The following LYPLAL1 variants were observed in gnomAD, a reference collection of about 807,000 sequenced individuals.
The protein encoded by LYPLAL1 is lysophospholipase like 1.
In LYPLAL1, 23 loss-of-function variants were observed where a neutral mutation model predicts 19.7. The ratio of observed to expected loss-of-function variants is 1.17; its 90% CI spans 0.84 to 1.65. The LOEUF (loss-of-function observed/expected upper bound fraction) is 1.65, where lower values mean the gene tolerates loss of function less well. Ranked by LOEUF, LYPLAL1 falls within the 40% of genes most tolerant of loss-of-function variation. The pLI, the probability that LYPLAL1 is intolerant of heterozygous loss-of-function variation, is 0.00. For synonymous variants in LYPLAL1, 119 were observed against 96.3 expected, an observed-to-expected ratio of 1.24 and a Z score of -1.38; for missense variants, 355 against 279.4, an observed-to-expected ratio of 1.27 and a Z score of -1.93.
At chr1:219,330,813 G>C in the LYPLAL1 span, among the ~76,000 whole-genome samples, 1 of 152,192 alleles carries the variant, frequency 6.6e-6, no homozygotes, top group Non-Finnish European at 1.5e-5. Context: ...CTGTCACCAT[G>C]AATCTGTGAT....
chr1:219,197,016 C>T (rs1023698606), intron 3 of LYPLAL1, among the ~76,000 whole-genome samples: 11 of 152,136 alleles, frequency 7.2e-5, no homozygotes, highest in African/African-American at 2.2e-4. Flanking sequence ...ATTCTATGCT[C>T]ATGGATAGGA....
chr1:219,217,553 A>G (rs1185723221), downstream of LYPLAL1, among the ~76,000 whole-genome samples: 1 of 152,114 alleles, frequency 6.6e-6, no homozygotes, highest in Non-Finnish European at 1.5e-5. Context: ...ATTCTAAATC[A>G]TGCAAGGTCT....
At chr1:219,219,214 G>C in the LYPLAL1 span, among the ~76,000 whole-genome samples, 2 of 152,212 alleles carry the variant, frequency 1.3e-5, no homozygotes, top group African/African-American at 4.8e-5. Context: ...TATTCTCATA[G>C]TTATTCCCAT....
At chr1:219,402,252 A>T in the LYPLAL1 span, among the ~76,000 whole-genome samples, 1 of 152,178 alleles carries the variant, frequency 6.6e-6, no homozygotes, top group Non-Finnish European at 1.5e-5. Context: ...AATCATTTTT[A>T]AAATTTTTCC....
chr1:219,293,286 A>G, the LYPLAL1 span, among the ~76,000 whole-genome samples: 1 of 152,174 alleles, frequency 6.6e-6, no homozygotes, highest in Non-Finnish European at 1.5e-5. Flanking sequence ...AAAGGGTGAG[A>G]GAGATAGTAG....
the LYPLAL1 span, among the ~76,000 whole-genome samples, chr1:219,232,652 C>A: frequency 6.6e-6 from 1 of 152,100 alleles, no homozygotes. Context: ...AGATTACAAT[C>A]TGGAATACAT....
intron 1 of LYPLAL1, among the ~76,000 whole-genome samples, chr1:219,178,281 T>A (rs529590761): frequency 2.0e-5 from 3 of 152,330 alleles, no homozygotes; most frequent in African/African-American, 7.2e-5. Context: ...CTTTCACATT[T>A]ATTTGTGTGA....
chr1:219,386,148 T>C, the LYPLAL1 span, among the ~76,000 whole-genome samples: 1 of 152,292 alleles, frequency 6.6e-6, no homozygotes, highest in Non-Finnish European at 1.5e-5. Context: ...CTAGCTCAAA[T>C]GTAAAATGGG....
the LYPLAL1 span, among the ~76,000 whole-genome samples, chr1:219,429,156 C>G: frequency 6.6e-6 from 1 of 152,128 alleles, no homozygotes; most frequent in African/African-American, 2.4e-5. Context: ...GTAAAACAGG[C>G]TTTTCAGAGC....
chr1:219,412,426 A>G, the LYPLAL1 span, among the ~76,000 whole-genome samples: 2 of 152,224 alleles, frequency 1.3e-5, no homozygotes, highest in Non-Finnish European at 2.9e-5. Flanking sequence ...TCTACAAAAC[A>G]TACTATTGTT....
At chr1:219,292,611 C>T in the LYPLAL1 span, among the ~76,000 whole-genome samples, 1 of 152,184 alleles carries the variant, frequency 6.6e-6, no homozygotes, top group Non-Finnish European at 1.5e-5. Flanking sequence ...CTGCCTTTTA[C>T]ACCTCATCTA....
At chr1:219,325,399 C>G in the LYPLAL1 span, among the ~76,000 whole-genome samples, 1 of 152,152 alleles carries the variant, frequency 6.6e-6, no homozygotes, top group Non-Finnish European at 1.5e-5. Flanking sequence ...TCTAAACCAC[C>G]CCTTCCCTGA....
the LYPLAL1 span, among the ~76,000 whole-genome samples, chr1:219,425,162 G>A: frequency 6.6e-6 from 1 of 152,120 alleles, no homozygotes; most frequent in Non-Finnish European, 1.5e-5. Flanking sequence ...TGTTCACAGG[G>A]TGCAAGGGGC....
the LYPLAL1 span, among the ~76,000 whole-genome samples, chr1:219,338,472 G>A: frequency 6.6e-6 from 1 of 152,058 alleles, no homozygotes; most frequent in African/African-American, 2.4e-5. Flanking sequence ...TCTGTTACTT[G>A]CAGCTAATAG....
At chr1:219,303,201 C>T in the LYPLAL1 span, among the ~76,000 whole-genome samples, 13 of 152,148 alleles carry the variant, frequency 8.5e-5, 1 homozygote, top group South Asian at 8.3e-4. Context: ...TTTATTTGTG[C>T]GTTTGTTTTC....
At chr1:219,376,954 A>G in the LYPLAL1 span, among the ~76,000 whole-genome samples, 2 of 152,186 alleles carry the variant, frequency 1.3e-5, no homozygotes, top group African/African-American at 2.4e-5. Context: ...GAAAATTACT[A>G]TCTGGCCCAG....
chr1:219,419,697 G>T, the LYPLAL1 span, among the ~76,000 whole-genome samples: 2 of 151,886 alleles, frequency 1.3e-5, no homozygotes, highest in Non-Finnish European at 2.9e-5. Context: ...CCCCTCTGAG[G>T]CTGGGCGGTG....
At chr1:219,278,362 T>G in the LYPLAL1 span, among the ~76,000 whole-genome samples, 2 of 151,892 alleles carry the variant, frequency 1.3e-5, no homozygotes, top group Non-Finnish European at 1.5e-5. Flanking sequence ...AAAAACAATT[T>G]AACAATTTAG....
the LYPLAL1 span, among the ~76,000 whole-genome samples, chr1:219,278,790 CCT>C: frequency 2.4e-3 from 359 of 152,252 alleles, no homozygotes; most frequent in Non-Finnish European, 4.1e-3. Context: ...GGTTTTATGG[CCT>C]CTCCAGTGCT....
Sources: gnomAD v4.1 joint callset for allele counts (sites outside exome capture counted in the v4.1 genomes callset) on GRCh38, gnomAD v4.1.1 for gene constraint, MANE v1.5 for transcripts, NCBI Gene and HGNC (gene_info 2026-07-23, HGNC 2026-07-21) for gene names.